SPATA13: variants seen among roughly 807,000 people sequenced by gnomAD.
SPATA13 encodes spermatogenesis associated 13.
In SPATA13, 50 loss-of-function variants were observed where a neutral mutation model predicts 104.0. That is an observed-to-expected ratio of 0.48 (90% CI 0.38 to 0.61). The LOEUF is 0.61. Ranked by LOEUF, SPATA13 falls within the 20% of genes least tolerant of loss-of-function variation. SPATA13 has a pLI of 0.00. For missense variants in SPATA13, 1,524 were observed against 1,690.6 expected (o/e 0.90, Z 1.73); for synonymous variants, 606 against 667.5 (o/e 0.91, Z 1.42).
chr13:24,260,722 A>G (rs1016045571), intron 4 of SPATA13, among the ~76,000 whole-genome samples: 9 of 152,356 alleles, frequency 5.9e-5, no homozygotes, highest in Non-Finnish European at 2.9e-5. Context: ...GTCTATATTC[A>G]GATTGTTTCG....
chr13:24,221,575 A>G (rs1412374433), intron 1 of SPATA13, among the ~76,000 whole-genome samples: 1 of 152,022 alleles, frequency 6.6e-6, no homozygotes, highest in Non-Finnish European at 1.5e-5. Flanking sequence ...GAAAGCATGG[A>G]CAAGATCTGA....
rs1263941946 is a variant in SPATA13, at chr13:24,291,805, G to A, written c.3080+921G>A. On this transcript the variant is annotated intron_variant, in intron 9 of 12. Transcript: ENST00000382108. ...CGTTCTGTCGCCCAGGCCGGACTGC[G>A]GACTGCAGTGGCGCAATCTCGGCTC... is the stretch of plus-strand genomic sequence containing the variant. Among the ~76,000 whole-genome samples the A allele has an allele frequency of 5.0e-5, 7 of 141,296 alleles. 1 individual carries two copies. Among genetic ancestry groups the A allele is most frequent in the South Asian group, 2.2e-4 (1 of 4,580 alleles). 92.7% of individuals were successfully genotyped at this position (141,296 alleles called of 152,430 possible).
At chr13:24,235,077 G>A (rs955255606) in intron 2 of SPATA13, among the ~76,000 whole-genome samples, 1 of 152,196 alleles carries the variant, frequency 6.6e-6, no homozygotes, top group African/African-American at 2.4e-5. Context: ...TTTTATAACA[G>A]AAATCATTGT....
rs186838675 is a variant in SPATA13, at chr13:24,113,649, A to T, written c.-112+95948A>T. Among the ~76,000 whole-genome samples the T allele has an allele frequency of 1.8e-3, 279 of 151,990 alleles. 1 individual carries two copies. Among genetic ancestry groups the T allele is most frequent in the South Asian group, 9.1e-3 (44 of 4,814 alleles). On this transcript the variant is annotated intron_variant, in intron 3 of 14. Transcript: ENST00000424834. ...CACTTTGGGAGGATGAGGCAGGCAG[A>T]TCACGAGGTCAGGAGATCCAGACCA...
chr13:24,088,327 G>A lies in SPATA13; in HGVS notation c.-112+70626G>A, dbSNP rs1260733567. 1.3e-5 allele frequency among the ~76,000 whole-genome samples: 2 copies of A among 152,178 alleles called. No individual in the cohort carries two copies. Among genetic ancestry groups the A allele is most frequent in the African/African-American group, 4.8e-5 (2 of 41,438 alleles). ...GGCCCGCAGTCACATGACTATTAAAGCATCTGAATTGGGATTAGAACATAA... is the reference window on the plus strand; with the variant it reads ...GGCCCGCAGTCACATGACTATTAAAACATCTGAATTGGGATTAGAACATAA... On this transcript the variant is annotated intron_variant, in intron 3 of 14. Transcript: ENST00000424834. This position sits in a 1 kb window ranked among gnomAD's most constrained non-coding sequence, Gnocchi z 4.3.
chr13:24,150,098 G>A (rs1376882148), intron 3 of SPATA13, among the ~76,000 whole-genome samples: 1 of 152,084 alleles, frequency 6.6e-6, no homozygotes, highest in Non-Finnish European at 1.5e-5. Context: ...GCTGGGCAAT[G>A]CTGAGATTCT....
chr13:24,109,525 C>T (rs1880569020), intron 3 of SPATA13, among the ~76,000 whole-genome samples: 1 of 152,148 alleles, frequency 6.6e-6, no homozygotes, highest in Non-Finnish European at 1.5e-5. Flanking sequence ...GCCATTCATT[C>T]TCTTCTGTTT....
chr13:24,109,429 G>A (rs1020617413), intron 3 of SPATA13, among the ~76,000 whole-genome samples: 3 of 152,090 alleles, frequency 2.0e-5, no homozygotes, highest in Non-Finnish European at 2.9e-5. Context: ...ACGTGTCAAT[G>A]TGTCTTTATA....
At chr13:24,200,544 C>T (rs893217338) in intron 1 of SPATA13, among the ~76,000 whole-genome samples, 1 of 152,080 alleles carries the variant, frequency 6.6e-6, no homozygotes, top group Non-Finnish European at 1.5e-5. Flanking sequence ...ATCATTCTGA[C>T]TTCGGGGATT....
intron 2 of SPATA13, among the ~76,000 whole-genome samples, chr13:24,015,605 T>C (rs1295592266): frequency 6.6e-6 from 1 of 152,200 alleles, no homozygotes; most frequent in East Asian, 1.9e-4. Context: ...CTCTCACCAT[T>C]GCCCACTCAT....
chr13:24,197,147 A>G (rs544300361), intron 1 of SPATA13, among the ~76,000 whole-genome samples: 2 of 152,340 alleles, frequency 1.3e-5, no homozygotes, highest in African/African-American at 4.8e-5. Context: ...ACCCATCTTT[A>G]GAGGAAGACA....
At chr13:24,247,381 C>T (rs1239975321) in intron 2 of SPATA13, among the ~76,000 whole-genome samples, 4 of 151,306 alleles carry the variant, frequency 2.6e-5, no homozygotes, top group African/African-American at 4.9e-5. Context: ...GGGCAAGTCA[C>T]GTCACTTCTT....
chr13:24,216,220 C>T (rs909938727), intron 1 of SPATA13, among the ~76,000 whole-genome samples: 2 of 152,208 alleles, frequency 1.3e-5, no homozygotes, highest in Non-Finnish European at 1.5e-5. Flanking sequence ...GCCCTTTCAT[C>T]TCTCACTACA....
chr13:24,272,783 C>G (rs985485289), intron 4 of SPATA13: 3 of 152,266 alleles, frequency 2.0e-5, no homozygotes, highest in African/African-American at 7.2e-5. Flanking sequence ...CATCTTTGAG[C>G]CACGGTTTCC....
At chr13:24,098,614 A>G (rs1880155972) in intron 3 of SPATA13, among the ~76,000 whole-genome samples, 2 of 128,750 alleles carry the variant, frequency 1.6e-5, no homozygotes, top group South Asian at 2.8e-4. Context: ...AAAAAGAAGA[A>G]GAAGAAAAGA....
In SPATA13 at chr13:24,141,839, G is replaced by A. The variant is rs190912947; in HGVS notation, c.-111-80980G>A. Among the ~76,000 whole-genome samples, 320 of 151,954 alleles carry A rather than the reference G, an allele frequency of 2.1e-3. 6 individuals are homozygous for A. The East Asian group carries it at 0.041, about 19-fold the overall frequency. ...TGCATCACTTCAAGGGTAATAATGT[G>A]CTGTCTCAGAGCAGGCTAACCATTA... is the stretch of plus-strand genomic sequence containing the variant. On this transcript the variant is annotated intron_variant, in intron 3 of 14. Transcript: ENST00000424834.
intron 1 of SPATA13, among the ~76,000 whole-genome samples, chr13:24,189,377 G>A (rs559635680): frequency 6.6e-6 from 1 of 150,842 alleles, no homozygotes; most frequent in Non-Finnish European, 1.5e-5. Flanking sequence ...TGGAGGCTGA[G>A]GCAGGAGAAT....
intron 1 of SPATA13, chr13:24,162,558 CTGAT>C (rs1161701640): frequency 2.6e-5 from 4 of 155,598 alleles, no homozygotes; most frequent in Middle Eastern, 5.6e-4. Context: ...CTGCTTCTGA[CTGAT>C]TGTTTTCTTA....
intron 3 of SPATA13, among the ~76,000 whole-genome samples, chr13:24,154,177 T>C (rs1882187976): frequency 6.6e-6 from 1 of 152,106 alleles, no homozygotes; most frequent in Non-Finnish European, 1.5e-5. Context: ...GCACACCTGA[T>C]AGTCTGGCAG....
Sources: gnomAD v4.1 joint callset for allele counts (sites outside exome capture counted in the v4.1 genomes callset) on GRCh38, gnomAD v4.1.1 for gene constraint, Gnocchi (gnomAD v3.1) non-coding constraint, MANE v1.5 for transcripts, NCBI Gene and HGNC (gene_info 2026-07-23, HGNC 2026-07-21) for gene names.